Variants in EDAR observed in about 807,000 individuals in gnomAD.
The protein encoded by EDAR is tumor necrosis factor receptor superfamily member EDAR.
In EDAR, 38 loss-of-function variants were observed where a neutral mutation model predicts 51.3. The ratio of observed to expected loss-of-function variants is 0.74; its 90% CI spans 0.57 to 0.97. The LOEUF (loss-of-function observed/expected upper bound fraction) is 0.97. EDAR is among the 50% of genes least tolerant of loss of function. EDAR has a pLI of 0.00. For missense variants in EDAR, 528 were observed against 595.0 expected, an observed-to-expected ratio of 0.89 and a Z score of 1.17; for synonymous variants, 227 against 242.1, an observed-to-expected ratio of 0.94 and a Z score of 0.58.
intron 11 of EDAR, among the ~76,000 whole-genome samples, chr2:108,898,394 G>A (rs892033115): frequency 3.6e-4 from 55 of 152,146 alleles, no homozygotes; most frequent in Non-Finnish European, 7.8e-4. Flanking sequence ...GTTGAGTGGG[G>A]AATTTGGATG....
At chr2:108,954,400 C>T (rs1389097243) in intron 1 of EDAR, among the ~76,000 whole-genome samples, 1 of 152,216 alleles carries the variant, frequency 6.6e-6, no homozygotes, top group African/African-American at 2.4e-5. Context: ...TGCAGCCTAC[C>T]TGCCCTCTCT....
At chr2:108,934,178 A>G (rs1239534757) in intron 1 of EDAR, among the ~76,000 whole-genome samples, 1 of 152,156 alleles carries the variant, frequency 6.6e-6, no homozygotes, top group Non-Finnish European at 1.5e-5. Context: ...AAGCAGAACT[A>G]AAAGTCTGTG....
At chr2:108,963,738 T>C (rs1223920410) in intron 1 of EDAR, among the ~76,000 whole-genome samples, 2 of 152,236 alleles carry the variant, frequency 1.3e-5, no homozygotes, top group African/African-American at 2.4e-5. Flanking sequence ...TCCCAGGCTA[T>C]GGGTATCACA....
chr2:108,981,954 G>A (rs1271703968), intron 1 of EDAR, among the ~76,000 whole-genome samples: 2 of 152,222 alleles, frequency 1.3e-5, no homozygotes, highest in Admixed American at 6.5e-5. Flanking sequence ...AATACCTACT[G>A]TGTGCAGCCA....
At chr2:108,963,935 C>A (rs576238895) in intron 1 of EDAR, among the ~76,000 whole-genome samples, 1 of 152,186 alleles carries the variant, frequency 6.6e-6, no homozygotes, top group Non-Finnish European at 1.5e-5. Flanking sequence ...GAGCATGGGC[C>A]AATCCTGGAC....
intron 1 of EDAR, among the ~76,000 whole-genome samples, chr2:108,964,871 A>G (rs1698119218): frequency 6.6e-6 from 1 of 152,222 alleles, no homozygotes; most frequent in Non-Finnish European, 1.5e-5. Flanking sequence ...ACTGTGTAGC[A>G]TGACAAAAAC....
chr2:108,958,116 C>T (rs145287019), intron 1 of EDAR, among the ~76,000 whole-genome samples: 134 of 152,306 alleles, frequency 8.8e-4, no homozygotes, highest in African/African-American at 3.0e-3. Context: ...GCACACACCC[C>T]TGCACTTTCA....
intron 1 of EDAR, among the ~76,000 whole-genome samples, chr2:108,942,957 G>A (rs1260663030): frequency 6.6e-6 from 1 of 152,148 alleles, no homozygotes; most frequent in Admixed American, 6.5e-5. Flanking sequence ...ATGCCTTCCC[G>A]GCCCCTTCGC....
At chr2:108,949,585 C>CT (rs200353676) in intron 1 of EDAR, among the ~76,000 whole-genome samples, 114 of 151,676 alleles carry the variant, frequency 7.5e-4, no homozygotes, top group African/African-American at 2.5e-3. Flanking sequence ...ATCATAAAAT[C>CT]TTTTTTTTTC....
At chr2:108,934,001 A>G (rs1297839553) in intron 1 of EDAR, among the ~76,000 whole-genome samples, 2 of 152,204 alleles carry the variant, frequency 1.3e-5, no homozygotes, top group Non-Finnish European at 2.9e-5. Context: ...AATGGTTTCT[A>G]ATTTAATTGA....
intron 9 of EDAR, among the ~76,000 whole-genome samples, chr2:108,908,238 G>A (rs916969474): frequency 2.0e-5 from 3 of 152,142 alleles, no homozygotes; most frequent in Non-Finnish European, 4.4e-5. Context: ...AAACAAGTCC[G>A]TGGTGGGTGA....
chr2:108,910,695 C>T lies in EDAR; in HGVS notation c.730+81G>A, dbSNP rs561920819. The T allele has an allele frequency of 3.6e-5, 55 of 1,523,570 alleles. No individual in the cohort carries two copies. In the African/African-American group the frequency reaches 4.6e-4, roughly 13 times the overall value. 94.4% of individuals were successfully genotyped at this position (1,523,570 alleles called of 1,614,324 possible). On this transcript the variant is annotated intron_variant, in intron 8 of 11. Coordinates refer to ENST00000258443, the MANE Select transcript of EDAR (RefSeq NM_022336.4). ...GTTCAGCATGTGAGAGCAGAAGCAG[C>T]GAGGAGGCTGCTTCTGGGAACGCCC...
chr2:108,936,021 C>T (rs960319729), intron 1 of EDAR, among the ~76,000 whole-genome samples: 1 of 152,236 alleles, frequency 6.6e-6, no homozygotes, highest in Admixed American at 6.5e-5. Context: ...AGAAGGTGGC[C>T]GTCCTCCCTA....
In EDAR at chr2:108,912,534, A is replaced by G. The variant is rs118153293; in HGVS notation, c.529+144T>C. ...AATGACTTCCTGCACGGGGGGCAAC[A>G]TGTCATTCAATTACATTAGGGAGGT... On this transcript the variant is annotated intron_variant, in intron 6 of 11. Coordinates refer to ENST00000258443, the MANE Select transcript of EDAR (RefSeq NM_022336.4). The G allele has an allele frequency of 1.9e-3, 1,489 of 775,806 alleles. 32 individuals carry two copies. The East Asian group carries it at 0.035, about 18-fold the overall frequency. 48.1% of individuals were successfully genotyped at this position (775,806 alleles called of 1,614,324 possible).
chr2:108,925,213 G>C (rs1697229904), intron 4 of EDAR, among the ~76,000 whole-genome samples: 2 of 152,246 alleles, frequency 1.3e-5, no homozygotes, highest in South Asian at 2.1e-4. Context: ...CCTTGTGCTA[G>C]GTACTAAGGA....
chr2:108,925,185 A>G (rs1435024909), intron 4 of EDAR, among the ~76,000 whole-genome samples: 1 of 152,226 alleles, frequency 6.6e-6, no homozygotes, highest in Non-Finnish European at 1.5e-5. Context: ...AGCCTTGTTC[A>G]CGTCTCTATT....
intron 6 of EDAR, among the ~76,000 whole-genome samples, chr2:108,911,857 C>T (rs1423084913): frequency 6.6e-6 from 1 of 152,222 alleles, no homozygotes; most frequent in Non-Finnish European, 1.5e-5. Flanking sequence ...TGAGCCTCCC[C>T]TGTGGGTGCA....
intron 1 of EDAR, among the ~76,000 whole-genome samples, chr2:108,973,926 G>A (rs1180856375): frequency 1.3e-5 from 2 of 152,258 alleles, no homozygotes; most frequent in East Asian, 1.9e-4. Context: ...AACCAATTAC[G>A]GAGCTGTAAG....
At chr2:108,977,434 A>G (rs1698342815) in intron 1 of EDAR, among the ~76,000 whole-genome samples, 1 of 152,000 alleles carries the variant, frequency 6.6e-6, no homozygotes, top group Non-Finnish European at 1.5e-5. Context: ...ATGCCTGGCT[A>G]ATTTTTTTTG....
Sources: gnomAD v4.1 joint callset for allele counts (sites outside exome capture counted in the v4.1 genomes callset) on GRCh38, gnomAD v4.1.1 for gene constraint, MANE v1.5 for transcripts, NCBI Gene and HGNC (gene_info 2026-07-23, HGNC 2026-07-21) for gene names.